Variants in TMEM135 observed in about 807,000 individuals in gnomAD.
The protein encoded by TMEM135 is transmembrane protein 135.
Under a neutral mutation model 60.3 loss-of-function variants are expected in TMEM135, and 30 were observed. The observed-to-expected ratio is 0.50, with a 90% CI of 0.37 to 0.68. TMEM135 has a LOEUF of 0.68. TMEM135 is among the 30% of genes least tolerant of loss of function. TMEM135 has a pLI of 0.00. For missense variants in TMEM135, 468 were observed against 548.8 expected (o/e 0.85, Z 1.47); for synonymous variants, 190 against 186.7 (o/e 1.02, Z -0.14).
chr11:87,072,600 C>T, intron 3 of TMEM135, among the ~76,000 whole-genome samples: 1 of 152,044 alleles, frequency 6.6e-6, no homozygotes, highest in Non-Finnish European at 1.5e-5. Context: ...CCAGGCTGGT[C>T]TCAAACTCCT....
In TMEM135 at chr11:87,287,415, A is replaced by C. The variant is rs145668960; in HGVS notation, c.510-8367A>C. ...GTTTTTTGGCCGGGCGCAGTGGCTCAAGCCTGTAATCCCAGCACTTTGGGA... is the reference window on the plus strand; with the variant it reads ...GTTTTTTGGCCGGGCGCAGTGGCTCCAGCCTGTAATCCCAGCACTTTGGGA... On this transcript the variant is annotated intron_variant, in intron 6 of 14. Coordinates refer to ENST00000305494, the MANE Select transcript of TMEM135 (RefSeq NM_022918.4). Among the ~76,000 whole-genome samples, 1,426 of 152,348 alleles carry C rather than the reference A, an allele frequency of 9.4e-3. 25 individuals are homozygous for C. The highest frequency in any genetic ancestry group is 0.033 in the African/African-American group (1,358 of 41,574).
intron 10 of TMEM135, among the ~76,000 whole-genome samples, chr11:87,311,482 A>G (rs1407530106): frequency 6.6e-6 from 1 of 152,094 alleles, no homozygotes; most frequent in East Asian, 1.9e-4. Flanking sequence ...TATTCTTAAC[A>G]TAAACTCTTA....
At chr11:87,110,844 A>G (rs989689) in intron 4 of TMEM135, among the ~76,000 whole-genome samples, 83,439 of 151,930 alleles carry the variant, frequency 0.55, 23,749 homozygotes, top group East Asian at 0.71. Flanking sequence ...TTTAAAAATT[A>G]CAGGCATTAT....
At chr11:87,086,145 C>T (rs1857090677) in intron 3 of TMEM135, among the ~76,000 whole-genome samples, 1 of 152,172 alleles carries the variant, frequency 6.6e-6, no homozygotes, top group Non-Finnish European at 1.5e-5. Flanking sequence ...GTCTATAATA[C>T]ACTTTTTTTC....
chr11:87,166,064 C>G (rs1454293611), intron 5 of TMEM135, among the ~76,000 whole-genome samples: 1 of 151,360 alleles, frequency 6.6e-6, no homozygotes, highest in African/African-American at 2.4e-5. Flanking sequence ...TCTGAATAGA[C>G]CAATAACAGG....
At chr11:87,142,515 C>G (rs1223357296) in intron 4 of TMEM135, among the ~76,000 whole-genome samples, 3 of 152,170 alleles carry the variant, frequency 2.0e-5, no homozygotes, top group Non-Finnish European at 4.4e-5. Flanking sequence ...CCGGCATCTA[C>G]TATTTGTGTC....
intron 4 of TMEM135, among the ~76,000 whole-genome samples, chr11:87,148,376 T>G (rs1938470309): frequency 6.6e-6 from 1 of 152,200 alleles, no homozygotes; most frequent in Non-Finnish European, 1.5e-5. Context: ...AGAATGCTAT[T>G]AGAATGAGAT....
intron 4 of TMEM135, among the ~76,000 whole-genome samples, chr11:87,137,997 G>T (rs147060562): frequency 6.6e-6 from 1 of 151,618 alleles, no homozygotes; most frequent in Non-Finnish European, 1.5e-5. Flanking sequence ...CGCTGTTAAG[G>T]TCCATTGTCT....
intron 5 of TMEM135, among the ~76,000 whole-genome samples, chr11:87,213,343 A>G (rs1253470364): frequency 2.6e-5 from 4 of 152,138 alleles, no homozygotes; most frequent in Non-Finnish European, 4.4e-5. Context: ...CTGCAACTAT[A>G]CGATTTTGTT....
intron 6 of TMEM135, among the ~76,000 whole-genome samples, chr11:87,241,241 A>T (rs529160301): frequency 9.2e-5 from 14 of 152,234 alleles, no homozygotes; most frequent in Non-Finnish European, 1.5e-4. Context: ...TTAGTATATT[A>T]GAGATAACTT....
chr11:87,072,447 C>T (rs1439265579), intron 3 of TMEM135, among the ~76,000 whole-genome samples: 1 of 152,086 alleles, frequency 6.6e-6, no homozygotes, highest in East Asian at 1.9e-4. Flanking sequence ...GTGGTGCGAC[C>T]TCGACCCACT....
At chr11:87,060,923 T>A (rs1949940530) in intron 1 of TMEM135, among the ~76,000 whole-genome samples, 1 of 152,188 alleles carries the variant, frequency 6.6e-6, no homozygotes, top group Admixed American at 6.5e-5. Context: ...ATTACAGGTG[T>A]GAGCCACCGC....
Position 87,071,598 on chromosome 11 carries a change from C to T in TMEM135, c.345C>T (p.Leu115=), listed in dbSNP as rs753630346. 14 of 1,613,100 alleles carry T rather than the reference C, an allele frequency of 8.7e-6. No homozygotes were observed. The highest frequency in any genetic ancestry group is 1.7e-5 in the Admixed American group (1 of 59,914). Residue 115 remains leucine, a synonymous_variant, in exon 3 of 15, where the codon CTC becomes CTT. Transcript: ENST00000305494. ...TGCCAGCATCTTATGTGGCCATTCT[C>T]ATTGAAAGAAAAAGCAGGTAAAATT... ...AALPASYVAI[L]IERKSRRGLL...
At chr11:87,209,031 G>A (rs1371310647) in intron 5 of TMEM135, among the ~76,000 whole-genome samples, 5 of 152,106 alleles carry the variant, frequency 3.3e-5, no homozygotes, top group Non-Finnish European at 4.4e-5. Flanking sequence ...ACTTTGTTAC[G>A]ACTAGATCTG....
intron 9 of TMEM135, 139 bp from the exon 10 acceptor site, chr11:87,309,366 T>C (rs1942603009): frequency 1.3e-6 from 1 of 780,874 alleles, no homozygotes; most frequent in Non-Finnish European, 2.1e-6. Context: ...TTTGAGGTTT[T>C]AAGGCTTTAT....
Position 87,327,239 on chromosome 11 carries a change from A to C in TMEM135, c.*5906A>C. The C allele has an allele frequency of 4.4e-6, 2 of 454,090 alleles. No individual in the cohort carries two copies. The highest frequency in any genetic ancestry group is 3.1e-5 in the South Asian group (2 of 64,472). The allele number at this position is 454,090 out of a possible 1,614,324, so 28.1% of individuals were successfully genotyped here. ...AAATCTTCCCTCTCTGCTTAAAGGA[A>C]AGTTCTTTTTACCTCTTTTTCTCTT... On this transcript the variant is annotated 3_prime_UTR_variant, in exon 15 of 15. Transcript: ENST00000305494.
intron 3 of TMEM135, 144 bp from the exon 4 acceptor site, chr11:87,091,218 G>A (rs10898595): frequency 0.087 from 55,121 of 635,904 alleles, 2,715 homozygotes; most frequent in East Asian, 0.17. Context: ...AAATTAGTTC[G>A]GCATAATTTA....
At chr11:87,108,363 C>T (rs1857652356) in intron 4 of TMEM135, among the ~76,000 whole-genome samples, 1 of 152,060 alleles carries the variant, frequency 6.6e-6, no homozygotes, top group Admixed American at 6.6e-5. Flanking sequence ...ATGGTATTGC[C>T]TAGGTTTTCT....
At chr11:87,304,386 A>G (rs1942503100) in intron 8 of TMEM135, among the ~76,000 whole-genome samples, 1 of 151,940 alleles carries the variant, frequency 6.6e-6, no homozygotes, top group Non-Finnish European at 1.5e-5. Flanking sequence ...ATCACTTAGA[A>G]AAAAAAAGGA....
Sources: allele counts gnomAD v4.1 joint callset (sites outside exome capture counted in the v4.1 genomes callset), GRCh38; gene constraint gnomAD v4.1.1; transcripts MANE v1.5; gene names NCBI Gene and HGNC (gene_info 2026-07-23, HGNC 2026-07-21).